Variants in ELP2 observed in about 807,000 individuals in gnomAD.
The protein encoded by ELP2 is elongator acetyltransferase complex subunit 2.
Under a neutral mutation model 119.2 loss-of-function variants are expected in ELP2, and 90 were observed. That is an observed-to-expected ratio of 0.75 (90% confidence interval 0.64 to 0.90). The LOEUF (loss-of-function observed/expected upper bound fraction) is 0.90, where lower values mean the gene tolerates loss of function less well. Ranked by LOEUF, ELP2 falls within the 40% of genes least tolerant of loss-of-function variation. The probability of loss-of-function intolerance (pLI) is 0.00; values close to 1 mark genes in which losing one functional copy is unlikely to be tolerated. For missense variants in ELP2, 921 were observed against 967.8 expected (o/e 0.95, Z 0.64); for synonymous variants, 339 against 331.0 (o/e 1.02, Z -0.26).
Position 36,178,015 on chromosome 18 carries a change from G to A in ELP2, c.*3374G>A, listed in dbSNP as rs992018951. 6.6e-6 allele frequency: 1 copy of A among 152,208 alleles called. No individual in the cohort carries two copies. Among genetic ancestry groups the A allele is most frequent in the Non-Finnish European group, 1.5e-5 (1 of 68,064 alleles). The allele number at this position is 152,208 out of a possible 1,614,324, so 9.4% of individuals were successfully genotyped here. A position where few individuals can be genotyped will look rare whatever the true frequency, so the allele number is the denominator to read the frequency against. ...CAACGTGTTGGGGAAAATGGCCTTG[G>A]AATATTTCATTCAAATTGGAGCCAA... On this transcript the variant is annotated 3_prime_UTR_variant, in exon 22 of 22. Coordinates refer to ENST00000358232, the MANE Select transcript of ELP2 (RefSeq NM_018255.4).
At chr18:36,146,480 G>C in intron 11 of ELP2, 99 bp downstream of exon 11, 1 of 1,336,478 alleles carries the variant, frequency 7.5e-7, no homozygotes, top group South Asian at 1.2e-5. Flanking sequence ...ACATAGTAGA[G>C]GCACTTGAAG....
At chr18:36,139,179 C>G (rs1289588114) in intron 5 of ELP2, among the ~76,000 whole-genome samples, 4 of 152,104 alleles carry the variant, frequency 2.6e-5, no homozygotes, top group African/African-American at 9.7e-5. Context: ...GAATCTAATT[C>G]TTTAGAAGGT....
At chr18:36,141,424 T>A (rs752189956) in intron 6 of ELP2, 5 of 546,284 alleles carry the variant, frequency 9.2e-6, no homozygotes, top group Admixed American at 8.8e-5. Context: ...GGGAAACAGG[T>A]CATTAGGTGG....
rs918514337 is a variant in ELP2 at position 36,174,685 on chromosome 18, T to C, written c.*44T>C. 1 of 1,594,130 alleles carries C rather than the reference T, an allele frequency of 6.3e-7. No individual in the cohort carries two copies. The highest frequency in any genetic ancestry group is 1.3e-5 in the African/African-American group (1 of 74,556). On this transcript the variant is annotated 3_prime_UTR_variant, in exon 22 of 22. Coordinates refer to ENST00000358232, the MANE Select transcript of ELP2 (RefSeq NM_018255.4). ...GCTTGCAGTCACTGGTATCTTAAAATATTATCATGTAAACAGGTCATCTTT... is the reference window on the plus strand; with the variant it reads ...GCTTGCAGTCACTGGTATCTTAAAACATTATCATGTAAACAGGTCATCTTT...
intron 9 of ELP2, among the ~76,000 whole-genome samples, chr18:36,145,515 A>G (rs2090168903): frequency 6.6e-6 from 1 of 152,216 alleles, no homozygotes; most frequent in Non-Finnish European, 1.5e-5. Context: ...TAGGTAAGGC[A>G]TAGCCTCACA....
At position 36,174,988 on chromosome 18, in the gene ELP2, C is replaced by T. The variant is rs2091191140; in HGVS notation, c.*347C>T. 1 of 290,046 alleles carries T rather than the reference C, an allele frequency of 3.4e-6. No individual in the cohort carries two copies. The highest frequency in any genetic ancestry group is 6.7e-6 in the Non-Finnish European group (1 of 149,450). The allele number at this position is 290,046 out of a possible 1,614,324, so 18.0% of individuals were successfully genotyped here. On this transcript the variant is annotated 3_prime_UTR_variant, in exon 22 of 22. Transcript: ENST00000358232. ...GATTACAGGCGTGAGCCACTGCGCC[C>T]AGCCTGAGTTTCATTTTTTAAGTCA...
At chr18:36,138,981 CT>C in intron 5 of ELP2, 109 bp downstream of exon 5, 7 of 849,800 alleles carry the variant, frequency 8.2e-6, no homozygotes, top group Non-Finnish European at 1.2e-5. Context: ...CTGAATGTTT[CT>C]ATGAAACAAG....
chr18:36,150,663 C>G (rs913530932), intron 11 of ELP2, among the ~76,000 whole-genome samples: 6 of 152,222 alleles, frequency 3.9e-5, no homozygotes, highest in African/African-American at 1.2e-4. Flanking sequence ...ACTCTAGCTT[C>G]TACCCTGCAT....
Position 36,178,279 on chromosome 18 carries a change from A to C in ELP2, c.*3638A>C, listed in dbSNP as rs2091267994. Reference sequence around the variant, plus strand: ...CATAAACACACCTAGTCAGAAGTACATCAGTACAAAGTGGGCCCTACAAAA... The same window carrying C: ...CATAAACACACCTAGTCAGAAGTACCTCAGTACAAAGTGGGCCCTACAAAA... On this transcript the variant is annotated 3_prime_UTR_variant, in exon 22 of 22. Coordinates refer to ENST00000358232, the MANE Select transcript of ELP2 (RefSeq NM_018255.4). 1 of 152,224 alleles carries C rather than the reference A, an allele frequency of 6.6e-6. No homozygotes were observed. The highest frequency in any genetic ancestry group is 1.5e-5 in the Non-Finnish European group (1 of 68,080). 9.4% of individuals were successfully genotyped at this position (152,224 alleles called of 1,614,324 possible).
At chr18:36,130,143 TGTTA>T in intron 1 of ELP2, 72 bp downstream of exon 1, 2 of 1,598,994 alleles carry the variant, frequency 1.3e-6, no homozygotes. Flanking sequence ...CCGGGCGCGC[TGTTA>T]GTTGCCGCCC....
rs200848954 is a variant in ELP2, at chr18:36,164,666, C to T, written c.1953C>T (p.Phe651=). Residue 651 remains phenylalanine (F), a splice_region_variant and synonymous_variant, in exon 18 of 22, where the codon TTC becomes TTT. Coordinates refer to ENST00000358232, the MANE Select transcript of ELP2 (RefSeq NM_018255.4). ...AGCAGGATACAATCTCACCTGAGTTCGGTAAAACAGCTTCTGATTGGGAAA... is the reference window on the plus strand; with the variant it reads ...AGCAGGATACAATCTCACCTGAGTTTGGTAAAACAGCTTCTGATTGGGAAA... ...WKKQDTISPE[F]EPVFSLFAFT... 6.9e-5 allele frequency: 111 copies of T among 1,613,864 alleles called. No homozygotes were observed. In the Admixed American group the frequency reaches 1.1e-3, roughly 16 times the overall value.
At chr18:36,172,846 T>C (rs2091122543) in intron 21 of ELP2, among the ~76,000 whole-genome samples, 1 of 152,190 alleles carries the variant, frequency 6.6e-6, no homozygotes, top group African/African-American at 2.4e-5. Context: ...CTTTGGTCAT[T>C]ATGGTGACTT....
Position 36,144,963 on chromosome 18 carries a change from C to T in ELP2, c.821C>T (p.Thr274Ile). 6.2e-7 allele frequency: 1 copy of T among 1,613,810 alleles called. No homozygotes were observed. The highest frequency in any genetic ancestry group is 8.5e-7 in the Non-Finnish European group (1 of 1,179,750). ...NESVKIAFAV[T>I]LETVLAGHEN... is the part of the protein sequence containing the mutation. The stretch of plus-strand genomic sequence containing the variant: ...GGTGTTAAAATAGCATTTGCTGTTA[C>T]TCTGGAGACAGTGCTAGCCGGTCAT... Residue 274 changes from threonine to isoleucine, a missense_variant, in exon 9 of 22, where the codon ACT becomes ATT. By Grantham distance (89) the Thr-to-Ile change is moderately conservative. Transcript: ENST00000358232.
At position 36,174,680 on chromosome 18, in the gene ELP2, T is replaced by TA. The variant is rs1422986675; in HGVS notation, c.*43dup. The TA allele has an allele frequency of 8.1e-6, 13 of 1,598,090 alleles. No individual in the cohort carries two copies. The highest frequency in any genetic ancestry group is 1.1e-5 in the Non-Finnish European group (13 of 1,166,358). On this transcript the variant is annotated 3_prime_UTR_variant, in exon 22 of 22. Transcript: ENST00000358232. ...TACATGCTTGCAGTCACTGGTATCT[T>TA]AAAATATTATCATGTAAACAGGTCA...
intron 18 of ELP2, among the ~76,000 whole-genome samples, chr18:36,166,319 G>GT (rs60477950): frequency 0.038 from 2,699 of 71,592 alleles, 529 homozygotes; most frequent in African/African-American, 0.047. Flanking sequence ...GTTTTTTAGG[G>GT]TTTTTTTTTT....
intron 6 of ELP2, among the ~76,000 whole-genome samples, chr18:36,142,020 T>A (rs962642523): frequency 2.0e-5 from 3 of 152,162 alleles, no homozygotes; most frequent in Non-Finnish European, 2.9e-5. Context: ...ATATGTATAG[T>A]ATGTATCATT....
intron 19 of ELP2, among the ~76,000 whole-genome samples, chr18:36,169,621 C>T (rs2091016670): frequency 6.6e-6 from 1 of 152,172 alleles, no homozygotes; most frequent in East Asian, 1.9e-4. Flanking sequence ...CTCCTGACCT[C>T]AGGTGATCCA....
chr18:36,170,839 G>A lies in ELP2; in HGVS notation c.2211-208G>A, dbSNP rs777561895. The A allele has an allele frequency of 2.8e-4, 163 of 590,186 alleles. 1 individual carries two copies. Among genetic ancestry groups the A allele is most frequent in the Admixed American group, 1.1e-4 (4 of 35,118 alleles). 36.6% of individuals were successfully genotyped at this position (590,186 alleles called of 1,614,324 possible). ...TGGCTCATGGGCCTTGCCAGCAGAG[G>A]ACACAGATAAATCTGTGTGCAGCCC... On this transcript the variant is annotated intron_variant, in intron 20 of 21. Transcript: ENST00000358232.
chr18:36,147,728 G>T (rs1294202102), intron 11 of ELP2, among the ~76,000 whole-genome samples: 1 of 152,106 alleles, frequency 6.6e-6, no homozygotes, highest in Non-Finnish European at 1.5e-5. Flanking sequence ...TGGTCTACTG[G>T]CAGGGTTTTT....
Sources: gnomAD v4.1 joint callset for allele counts (sites outside exome capture counted in the v4.1 genomes callset) on GRCh38, gnomAD v4.1.1 for gene constraint, MANE v1.5 for transcripts, NCBI Gene and HGNC (gene_info 2026-07-23, HGNC 2026-07-21) for gene names.